PLD5: variants seen among roughly 807,000 people sequenced by gnomAD.
PLD5 encodes the protein inactive phospholipase D5.
PLD5 carries 36 observed loss-of-function variants against 61.1 expected under a neutral mutation model. The ratio of observed to expected loss-of-function variants is 0.59; its 90% CI spans 0.45 to 0.78. PLD5 has a LOEUF of 0.78. Ranked by LOEUF, PLD5 falls within the 30% of genes least tolerant of loss-of-function variation. The pLI is 0.00. For missense variants in PLD5, 515 were observed against 644.4 expected, an observed-to-expected ratio of 0.80 and a Z score of 2.17; for synonymous variants, 243 against 242.8, an observed-to-expected ratio of 1.00 and a Z score of -0.01.
At chr1:242,175,599 G>T (rs1046702408) in intron 5 of PLD5, among the ~76,000 whole-genome samples, 6 of 152,130 alleles carry the variant, frequency 3.9e-5, no homozygotes, top group Non-Finnish European at 4.4e-5. Context: ...TTCTGGCCAG[G>T]ACAATCAGGC....
chr1:242,470,449 A>G (rs57005086), intron 1 of PLD5, among the ~76,000 whole-genome samples: 13,600 of 152,082 alleles, frequency 0.089, 809 homozygotes, highest in African/African-American at 0.16. Context: ...TTGTGGGGCC[A>G]TCACTTATTT....
chr1:242,452,431 G>C (rs1199670878), intron 1 of PLD5, among the ~76,000 whole-genome samples: 3 of 152,088 alleles, frequency 2.0e-5, no homozygotes, highest in African/African-American at 4.8e-5. Flanking sequence ...CAAACCATCA[G>C]CAAGAAAGTT....
At chr1:242,108,717 A>G (rs1156852490) in intron 7 of PLD5, among the ~76,000 whole-genome samples, 60 of 152,206 alleles carry the variant, frequency 3.9e-4, no homozygotes, top group Non-Finnish European at 8.8e-5. Context: ...TTTACTCATC[A>G]AACTCTTGCC....
chr1:242,459,304 G>A (rs1667039852), intron 1 of PLD5, among the ~76,000 whole-genome samples: 1 of 152,200 alleles, frequency 6.6e-6, no homozygotes, highest in Admixed American at 6.5e-5. Context: ...TAAAAGAACA[G>A]ATTTTTGAGG....
At chr1:242,170,284 A>G (rs906544005) in intron 5 of PLD5, among the ~76,000 whole-genome samples, 4 of 152,190 alleles carry the variant, frequency 2.6e-5, no homozygotes, top group Non-Finnish European at 5.9e-5. Context: ...GTGATAACCT[A>G]GGCAAACAGG....
intron 5 of PLD5, among the ~76,000 whole-genome samples, chr1:242,217,446 AACCCC>A (rs773576053): frequency 3.5e-4 from 54 of 152,202 alleles, no homozygotes; most frequent in Non-Finnish European, 7.1e-4. Flanking sequence ...AACATGGTGA[AACCCC>A]ATCTCTACTA....
chr1:242,452,213 CTTTT>C (rs571263476), intron 1 of PLD5, among the ~76,000 whole-genome samples: 2 of 149,420 alleles, frequency 1.3e-5, no homozygotes, highest in African/African-American at 2.5e-5. Context: ...GCATTTTGGA[CTTTT>C]TTTTTTCAAA....
intron 9 of PLD5, among the ~76,000 whole-genome samples, chr1:242,090,763 A>G (rs1659761390): frequency 6.6e-6 from 1 of 152,224 alleles, no homozygotes; most frequent in Admixed American, 6.5e-5. Flanking sequence ...CTGAAACTAC[A>G]GAAATGTATT....
At chr1:242,456,397 G>A (rs113466666) in intron 1 of PLD5, among the ~76,000 whole-genome samples, 1,579 of 152,236 alleles carry the variant, frequency 0.01, 25 homozygotes, top group African/African-American at 0.036. Context: ...GTGGCTGGTG[G>A]CGACTGGACT....
intron 1 of PLD5, among the ~76,000 whole-genome samples, chr1:242,482,683 A>G (rs1667820332): frequency 6.6e-6 from 1 of 152,194 alleles, no homozygotes; most frequent in African/African-American, 2.4e-5. Context: ...GCAGGCCAAC[A>G]TTCAAATTCA....
chr1:242,371,920 G>A (rs1201439359), intron 1 of PLD5, among the ~76,000 whole-genome samples: 1 of 151,904 alleles, frequency 6.6e-6, no homozygotes, highest in Non-Finnish European at 1.5e-5. Flanking sequence ...AGAACGTGCA[G>A]GTTTGCTACA....
intron 5 of PLD5, among the ~76,000 whole-genome samples, chr1:242,158,586 G>T (rs1000819444): frequency 1.3e-5 from 2 of 152,122 alleles, no homozygotes; most frequent in Non-Finnish European, 2.9e-5. Flanking sequence ...CCAACCTCTT[G>T]CACTTCCCGG....
intron 3 of PLD5, among the ~76,000 whole-genome samples, chr1:242,280,236 A>G (rs530705935): frequency 6.6e-6 from 1 of 152,322 alleles, no homozygotes; most frequent in African/African-American, 2.4e-5. Flanking sequence ...CACAACTACT[A>G]AACTATTAGT....
chr1:242,274,480 C>T (rs71650665), intron 3 of PLD5, among the ~76,000 whole-genome samples: 11 of 152,214 alleles, frequency 7.2e-5, no homozygotes, highest in South Asian at 6.2e-4. Context: ...CTTGGCCAGG[C>T]GTGGTGGCTC....
intron 1 of PLD5, among the ~76,000 whole-genome samples, chr1:242,430,106 T>C (rs1665638124): frequency 6.6e-6 from 1 of 151,806 alleles, no homozygotes; most frequent in African/African-American, 2.4e-5. Flanking sequence ...CCACTAGAAT[T>C]CCATGTAATT....
chr1:242,250,318 C>T lies in PLD5; in HGVS notation c.607+15019G>A, dbSNP rs546553090. Among the ~76,000 whole-genome samples the T allele has an allele frequency of 6.6e-5, 10 of 152,264 alleles. No individual in the cohort carries two copies. The South Asian group carries it at 2.1e-3, about 32-fold the overall frequency. ...ATGTCAGTCAAGTCTCCATCTTGCC[C>T]TCATTAAGGTTAAAGTCTAGAGGTA... On this transcript the variant is annotated intron_variant, in intron 4 of 9. Transcript: ENST00000536534.
chr1:242,246,971 ATTCTTTTTTTTTTTTTTT>A (rs755331918), intron 4 of PLD5, among the ~76,000 whole-genome samples: 247 of 127,700 alleles, frequency 1.9e-3, no homozygotes, highest in African/African-American at 3.6e-3. Context: ...GGTTTTAGGG[ATTCTTTTTTTTTTTTTTT>A]TTTTTTTTTT....
chr1:242,386,799 G>A (rs1038620408), intron 1 of PLD5, among the ~76,000 whole-genome samples: 22 of 152,356 alleles, frequency 1.4e-4, no homozygotes, highest in South Asian at 4.1e-4. Context: ...TATTAGGGAA[G>A]TAGTGGGACT....
chr1:242,354,176 G>A (rs540918194), intron 1 of PLD5, among the ~76,000 whole-genome samples: 4 of 151,984 alleles, frequency 2.6e-5, no homozygotes, highest in Non-Finnish European at 5.9e-5. Flanking sequence ...CTTGCTCATA[G>A]GCATAAGACA....
Sources: gnomAD v4.1 joint callset for allele counts (sites outside exome capture counted in the v4.1 genomes callset) on GRCh38, gnomAD v4.1.1 for gene constraint, MANE v1.5 for transcripts, NCBI Gene and HGNC (gene_info 2026-07-23, HGNC 2026-07-21) for gene names.